Variants in PCSK5 observed in about 807,000 individuals in gnomAD.
PCSK5 encodes the protein proprotein convertase subtilisin/kexin type 5.
A neutral mutation model predicts 233.2 loss-of-function variants in PCSK5; 129 were observed. That is an observed-to-expected ratio of 0.55 (90% CI 0.48 to 0.64). The LOEUF (loss-of-function observed/expected upper bound fraction) is 0.64, where lower values mean the gene tolerates loss of function less well. Among genes scored for constraint, PCSK5 ranks in the 30% least tolerant of loss-of-function variants. The pLI is 0.00. For missense variants in PCSK5, 2,076 were observed against 2,430.1 expected (o/e 0.85, Z 3.06); for synonymous variants, 825 against 879.2 (o/e 0.94, Z 1.09).
At chr9:76,135,145 G>A (rs917536477) in intron 10 of PCSK5, among the ~76,000 whole-genome samples, 5 of 151,794 alleles carry the variant, frequency 3.3e-5, no homozygotes, top group South Asian at 2.1e-4. Flanking sequence ...CATGGTCCTG[G>A]GCAAGTCATT....
intron 2 of PCSK5, among the ~76,000 whole-genome samples, chr9:75,937,841 C>A (rs982061899): frequency 1.3e-5 from 2 of 152,194 alleles, no homozygotes; most frequent in Non-Finnish European, 2.9e-5. Context: ...ATGAACCAAC[C>A]CCTGCTAGCT....
rs1462461048 is a variant in PCSK5 at position 76,323,213 on chromosome 9, G to A, written c.4264G>A (p.Val1422Ile). 45 of 1,612,644 alleles carry A rather than the reference G, an allele frequency of 2.8e-5. No individual in the cohort carries two copies. Among genetic ancestry groups the A allele is most frequent in the Non-Finnish European group, 3.8e-5 (45 of 1,179,860 alleles). The change falls in exon 32 of 38, where the codon GTC (valine) becomes ATC (isoleucine). Residue 1422 changes from valine (V) to isoleucine (I), a missense_variant. Around this residue, in one of 6 missense-constraint regions of PCSK5, gnomAD observed 1,510 missense variants for 1,538.1 expected, o/e 0.98. Transcript: ENST00000674117. ...DCELCLESSW[V>I]LYDGLCLEEC... Reference sequence around the variant, plus strand: ...CGAGCTCTGTCTTGAGAGTTCCTGGGTCCTCTATGATGGACTGTGCTTGGA... The same window carrying A: ...CGAGCTCTGTCTTGAGAGTTCCTGGATCCTCTATGATGGACTGTGCTTGGA...
chr9:75,931,161 A>G (rs1293279954), intron 1 of PCSK5, among the ~76,000 whole-genome samples: 1 of 152,118 alleles, frequency 6.6e-6, no homozygotes, highest in Non-Finnish European at 1.5e-5. Context: ...TAGCACAGAA[A>G]TTGAGTGGGA....
chr9:76,213,116 C>T (rs1469525150), intron 20 of PCSK5, among the ~76,000 whole-genome samples: 1 of 152,188 alleles, frequency 6.6e-6, no homozygotes, highest in Admixed American at 6.5e-5. Flanking sequence ...GGGGTTTCAC[C>T]GACCTACTCA....
chr9:76,054,122 T>G (rs977852246), intron 5 of PCSK5, among the ~76,000 whole-genome samples: 1 of 152,002 alleles, frequency 6.6e-6, no homozygotes, highest in Non-Finnish European at 1.5e-5. Context: ...AGACTTACTA[T>G]CACAAGAACT....
At chr9:76,130,078 T>C (rs4745503) in intron 9 of PCSK5, among the ~76,000 whole-genome samples, 73,737 of 151,364 alleles carry the variant, frequency 0.49, 18,158 homozygotes, top group Admixed American at 0.53. Flanking sequence ...ACTGATGTTA[T>C]GACATACGGT....
intron 2 of PCSK5, among the ~76,000 whole-genome samples, chr9:75,960,529 T>C (rs1392411160): frequency 6.6e-6 from 1 of 152,132 alleles, no homozygotes; most frequent in Non-Finnish European, 1.5e-5. Flanking sequence ...TGAAAGGGCA[T>C]GAATAAAGAA....
intron 1 of PCSK5, among the ~76,000 whole-genome samples, chr9:75,931,078 G>T (rs1823769680): frequency 6.6e-6 from 1 of 152,162 alleles, no homozygotes; most frequent in Non-Finnish European, 1.5e-5. Context: ...GTGAGACTTA[G>T]ACTTTGTTTC....
At chr9:76,204,827 CT>C (rs1440286194) in intron 20 of PCSK5, among the ~76,000 whole-genome samples, 2 of 152,148 alleles carry the variant, frequency 1.3e-5, no homozygotes, top group Admixed American at 1.3e-4. Context: ...GATGTTGGTG[CT>C]TCTTTTGGTT....
At chr9:75,941,223 T>A (rs2131301416) in intron 2 of PCSK5, among the ~76,000 whole-genome samples, 1 of 152,302 alleles carries the variant, frequency 6.6e-6, no homozygotes, top group Non-Finnish European at 1.5e-5. Context: ...GGGCTTTCTT[T>A]TGTGCAGTGC....
chr9:76,043,663 C>T (rs893676115), intron 5 of PCSK5, among the ~76,000 whole-genome samples: 8 of 152,104 alleles, frequency 5.3e-5, no homozygotes, highest in African/African-American at 1.9e-4. Flanking sequence ...GGGCCATGCA[C>T]ATATAATTAT....
chr9:76,048,976 A>G (rs1829523522), intron 5 of PCSK5, among the ~76,000 whole-genome samples: 1 of 152,222 alleles, frequency 6.6e-6, no homozygotes, highest in Admixed American at 6.5e-5. Context: ...ATAAATGGCT[A>G]CGATCATATT....
intron 9 of PCSK5, among the ~76,000 whole-genome samples, chr9:76,121,280 G>A (rs1468349393): frequency 1.3e-5 from 2 of 151,602 alleles, no homozygotes; most frequent in Non-Finnish European, 2.9e-5. Context: ...TTGTTGATAT[G>A]ATTTATTAGA....
intron 2 of PCSK5, among the ~76,000 whole-genome samples, chr9:75,955,822 T>C (rs999327484): frequency 6.6e-6 from 1 of 152,176 alleles, no homozygotes; most frequent in Non-Finnish European, 1.5e-5. Flanking sequence ...TAGAGGGCCA[T>C]AAACCATTCT....
At chr9:76,219,657 G>C (rs531097859) in intron 20 of PCSK5, among the ~76,000 whole-genome samples, 159 of 152,214 alleles carry the variant, frequency 1.0e-3, no homozygotes, top group African/African-American at 3.7e-3. Flanking sequence ...TTAAGGCCTG[G>C]CAGTGTCGTG....
At chr9:75,908,967 CTATCT>C (rs1471233633) in intron 1 of PCSK5, among the ~76,000 whole-genome samples, 28 of 150,136 alleles carry the variant, frequency 1.9e-4, no homozygotes, top group Admixed American at 1.6e-3. Context: ...ATCTATCTAT[CTATCT>C]ATCTATCTAT....
intron 34 of PCSK5, among the ~76,000 whole-genome samples, chr9:76,334,883 G>A (rs1298187411): frequency 1.3e-5 from 2 of 152,148 alleles, no homozygotes; most frequent in Non-Finnish European, 2.9e-5. Flanking sequence ...TTCACGACCA[G>A]CCTTGCCAAC....
intron 24 of PCSK5, among the ~76,000 whole-genome samples, chr9:76,279,566 C>G (rs1827802029): frequency 1.3e-5 from 2 of 151,892 alleles, no homozygotes; most frequent in African/African-American, 4.8e-5. Flanking sequence ...ACATCCTCTC[C>G]AGCACCTGTT....
intron 24 of PCSK5, among the ~76,000 whole-genome samples, chr9:76,285,940 A>G (rs1244348288): frequency 6.6e-6 from 1 of 152,222 alleles, no homozygotes; most frequent in East Asian, 1.9e-4. Flanking sequence ...TTGGTAATAA[A>G]TGAGAAAAAA....
Sources: gnomAD v4.1 joint callset for allele counts (sites outside exome capture counted in the v4.1 genomes callset) on GRCh38, gnomAD v4.1.1 for gene constraint, gnomAD v4.1.1 regional missense constraint, MANE v1.5 for transcripts, NCBI Gene and HGNC (gene_info 2026-07-23, HGNC 2026-07-21) for gene names.